DYNC2I1: variants seen among roughly 807,000 people sequenced by gnomAD.
DYNC2I1 encodes cytoplasmic dynein 2 intermediate chain 1.
Under a neutral mutation model 133.4 loss-of-function variants are expected in DYNC2I1, and 89 were observed. That is an observed-to-expected ratio of 0.67 (90% CI 0.56 to 0.80). DYNC2I1 has a LOEUF of 0.80. Among genes scored for constraint, DYNC2I1 ranks in the 30% least tolerant of loss-of-function variants. The pLI, the probability that DYNC2I1 is intolerant of heterozygous loss-of-function variation, is 0.00. For synonymous variants in DYNC2I1, 504 were observed against 484.3 expected (o/e 1.04, Z -0.54); for missense variants, 1,291 against 1,314.5 (o/e 0.98, Z 0.28).
intron 23 of DYNC2I1, among the ~76,000 whole-genome samples, chr7:158,936,849 G>A (rs1220351002): frequency 1.3e-5 from 2 of 152,166 alleles, no homozygotes; most frequent in Non-Finnish European, 2.9e-5. Flanking sequence ...TCGTCTTAAG[G>A]TGACACCTAT....
At chr7:158,901,634 C>G (rs1221914120) in intron 8 of DYNC2I1, 105 bp from the exon 9 acceptor site, 2 of 711,844 alleles carry the variant, frequency 2.8e-6, no homozygotes, top group Non-Finnish European at 4.7e-6. Context: ...TTAAAATTAG[C>G]AACATCAAAG....
chr7:158,915,534 C>A (rs1585144496), intron 14 of DYNC2I1, among the ~76,000 whole-genome samples: 1 of 151,630 alleles, frequency 6.6e-6, no homozygotes, highest in Non-Finnish European at 1.5e-5. Flanking sequence ...GATGGTGAAA[C>A]CTCGACACGG....
At position 158,942,087 on chromosome 7, in the gene DYNC2I1, A is replaced by G. The variant is rs747841579; in HGVS notation, c.2941A>G (p.Ile981Val). Residue 981 changes from isoleucine to valine, a missense_variant, in exon 24 of 25, where the codon ATC becomes GTC. Coordinates refer to ENST00000407559, the MANE Select transcript of DYNC2I1 (RefSeq NM_018051.5). ...LVQDDTSNIY[I>V]WDLLQSDLGP... ...GCAGGACGACACATCCAACATCTAC[A>G]TCTGGGACCTCCTCCAGAGCGATCT... is the stretch of plus-strand genomic sequence containing the variant. 6.2e-7 allele frequency: 1 copy of G among 1,608,778 alleles called. No homozygotes were observed. The highest frequency in any genetic ancestry group is 1.1e-5 in the South Asian group (1 of 90,414).
At chr7:158,952,712 A>T (rs560281106) in intron 4 of DYNC2I1, among the ~76,000 whole-genome samples, 1 of 148,062 alleles carries the variant, frequency 6.8e-6, no homozygotes, top group Non-Finnish European at 1.5e-5. Flanking sequence ...CCCCAGCCGC[A>T]TCGTAAGACA....
chr7:158,879,735 G>C lies in DYNC2I1; in HGVS notation c.625G>C (p.Glu209Gln), dbSNP rs765728280. 1.2e-4 allele frequency: 188 copies of C among 1,600,622 alleles called. No homozygotes were observed. The highest frequency in any genetic ancestry group is 8.4e-4 in the Middle Eastern group (5 of 5,934). Residue 209 changes from glutamate to glutamine, a missense_variant, in exon 5 of 25, where the codon GAA (glutamate) becomes CAA (glutamine). Physicochemically the swap from Glu to Gln is conservative, Grantham distance 29 (BLOSUM62 2). Transcript: ENST00000407559. ...CCCTCTCAAGTACTGGCTTTATAAAGAAGAAGGCGAGAGGAGACACAGGAA... is the reference window on the plus strand; with the variant it reads ...CCCTCTCAAGTACTGGCTTTATAAACAAGAAGGCGAGAGGAGACACAGGAA... ...DNPLKYWLYK[E>Q]EGERRHRKPR...
chr7:158,855,942 T>G (rs1272304321), upstream of DYNC2I1, among the ~76,000 whole-genome samples: 1 of 144,190 alleles, frequency 6.9e-6, no homozygotes, highest in Admixed American at 6.9e-5. Flanking sequence ...CTCTTTTCTT[T>G]TTTTTTTTTT....
chr7:158,911,856 G>A (rs773910095), intron 12 of DYNC2I1, among the ~76,000 whole-genome samples, 177 bp downstream of exon 12: 53 of 152,218 alleles, frequency 3.5e-4, no homozygotes, highest in Non-Finnish European at 6.2e-4. Flanking sequence ...CCGAGAGGCC[G>A]GGCACAGGCA....
intron 10 of DYNC2I1, among the ~76,000 whole-genome samples, chr7:158,905,640 T>G (rs528654316): frequency 6.6e-6 from 1 of 152,356 alleles, no homozygotes; most frequent in South Asian, 2.1e-4. Context: ...TTGTATGTCC[T>G]TGTTCCACTT....
intron 8 of DYNC2I1, among the ~76,000 whole-genome samples, chr7:158,892,639 G>A (rs1218807865): frequency 2.0e-5 from 3 of 151,536 alleles, no homozygotes; most frequent in Admixed American, 1.3e-4. Flanking sequence ...GCAGTTTTAA[G>A]TTTCCATCAA....
At chr7:158,920,548 T>C (rs1345546971) in intron 15 of DYNC2I1, among the ~76,000 whole-genome samples, 3 of 152,146 alleles carry the variant, frequency 2.0e-5, no homozygotes, top group Non-Finnish European at 4.4e-5. Flanking sequence ...GTGAAGTGTA[T>C]GTGTGTACTT....
intron 17 of DYNC2I1, 36 bp from the exon 18 acceptor site, chr7:158,926,151 A>G: frequency 6.6e-7 from 1 of 1,509,624 alleles, no homozygotes. Context: ...TCAACTTACT[A>G]CTTACACGTG....
At chr7:158,956,922 G>A (rs911712825), downstream of DYNC2I1, among the ~76,000 whole-genome samples, 4 of 152,178 alleles carry the variant, frequency 2.6e-5, no homozygotes, top group Non-Finnish European at 5.9e-5. Flanking sequence ...GCTGGACCAG[G>A]ATGGGCACGG....
chr7:158,881,655 G>A (rs1182316460), intron 5 of DYNC2I1, among the ~76,000 whole-genome samples: 2 of 151,952 alleles, frequency 1.3e-5, no homozygotes, highest in African/African-American at 2.4e-5. Flanking sequence ...GGGTTTCACC[G>A]TGTTAGCCAG....
chr7:158,864,117 G>C (rs897036577), intron 1 of DYNC2I1, among the ~76,000 whole-genome samples: 1 of 149,108 alleles, frequency 6.7e-6, no homozygotes, highest in Non-Finnish European at 1.5e-5. Flanking sequence ...TTAGCTCCGG[G>C]TGTGGGGGGG....
chr7:158,958,445 C>CCCCCGGG (rs1852255839), downstream of DYNC2I1, among the ~76,000 whole-genome samples: 1 of 152,242 alleles, frequency 6.6e-6, no homozygotes, highest in Non-Finnish European at 1.5e-5. Flanking sequence ...GGAACACCGG[C>CCCCCGGG]CCCCGGGCCA....
chr7:158,869,290 G>A (rs539311679), intron 1 of DYNC2I1, among the ~76,000 whole-genome samples: 206 of 152,064 alleles, frequency 1.4e-3, no homozygotes, highest in Non-Finnish European at 2.3e-3. Context: ...TGCTGTGAGG[G>A]ACCCTCTGGG....
At chr7:158,947,231 G>A (rs114404520), downstream of DYNC2I1, among the ~76,000 whole-genome samples, 2,271 of 152,168 alleles carry the variant, frequency 0.015, 42 homozygotes, top group African/African-American at 0.051. Flanking sequence ...CTGCATCTTC[G>A]CGGAACCCAG....
intron 3 of DYNC2I1, among the ~76,000 whole-genome samples, chr7:158,875,091 CTTTTT>C (rs35170585): frequency 6.4e-4 from 71 of 110,564 alleles, no homozygotes; most frequent in African/African-American, 2.2e-3. Flanking sequence ...TGGTAAATGC[CTTTTT>C]TTTTTTTTTT....
intron 11 of DYNC2I1, among the ~76,000 whole-genome samples, chr7:158,910,937 G>A (rs891192572): frequency 3.3e-5 from 5 of 150,130 alleles, no homozygotes; most frequent in African/African-American, 9.8e-5. Flanking sequence ...GATTGGCTGT[G>A]TCAGGCTTGT....
Sources: gnomAD v4.1 joint callset for allele counts (sites outside exome capture counted in the v4.1 genomes callset) on GRCh38, gnomAD v4.1.1 for gene constraint, MANE v1.5 for transcripts, NCBI Gene and HGNC (gene_info 2026-07-23, HGNC 2026-07-21) for gene names.